Variants in PRELID2 observed in about 807,000 individuals in gnomAD.
PRELID2 encodes PRELI domain containing 2, also known as PRELI domain-containing protein 2.
Under a neutral mutation model 28.4 loss-of-function variants are expected in PRELID2, and 25 were observed. The ratio of observed to expected loss-of-function variants is 0.88; its 90% CI spans 0.64 to 1.23. The LOEUF is 1.23. Among genes scored for constraint, PRELID2 ranks in the 50% most tolerant of loss-of-function variants. The probability of loss-of-function intolerance (pLI) is 0.00; values close to 1 mark genes in which losing one functional copy is unlikely to be tolerated. For synonymous variants in PRELID2, 76 were observed against 71.6 expected, an observed-to-expected ratio of 1.06 and a Z score of -0.31; for missense variants, 201 against 214.4, an observed-to-expected ratio of 0.94 and a Z score of 0.39.
At chr5:145,728,951 A>G (rs1332530040) in intron 1 of PRELID2, 5 of 789,590 alleles carry the variant, frequency 6.3e-6, no homozygotes, top group African/African-American at 1.7e-5. Flanking sequence ...AAACCACAGC[A>G]ACTGCACAAA....
At chr5:145,397,782 G>A in the PRELID2 span, among the ~76,000 whole-genome samples, 3 of 152,268 alleles carry the variant, frequency 2.0e-5, 1 homozygote, top group South Asian at 6.2e-4. Context: ...AATTGTGCCT[G>A]CCATTGGTTA....
chr5:145,781,741 TACTATATCTATATATATAC>T (rs988987104), intron 5 of PRELID2, among the ~76,000 whole-genome samples: 1 of 146,098 alleles, frequency 6.8e-6, no homozygotes, highest in African/African-American at 2.5e-5. Flanking sequence ...ACTATATATA[TACTATATCTATATATATAC>T]ACTATATATA....
chr5:145,757,086 T>A lies in PRELID2; in HGVS notation c.*3450A>T, dbSNP rs1193539932. Among the ~76,000 whole-genome samples, 1 of 152,176 alleles carries A rather than the reference T, an allele frequency of 6.6e-6. No individual in the cohort carries two copies. Among genetic ancestry groups the A allele is most frequent in the Admixed American group, 6.5e-5 (1 of 15,274 alleles). On this transcript the variant is annotated 3_prime_UTR_variant, in exon 7 of 7. Transcript: ENST00000683046. ...TAAGAAATAGTTTGATGTAAATGAT[T>A]GAAATAAAGTAAAAAAGATGTGCAA...
intron 1 of PRELID2, among the ~76,000 whole-genome samples, chr5:145,518,902 G>A (rs921924705): frequency 6.6e-6 from 1 of 152,176 alleles, no homozygotes; most frequent in African/African-American, 2.4e-5. Context: ...TTCTGAGGTT[G>A]AGAAACTTGC....
intron 1 of PRELID2, among the ~76,000 whole-genome samples, chr5:145,621,333 A>T (rs572077921): frequency 6.6e-6 from 1 of 152,324 alleles, no homozygotes; most frequent in African/African-American, 2.4e-5. Context: ...TGCTGGTAGG[A>T]ATGTAAAATG....
chr5:145,464,481 C>A, the PRELID2 span, among the ~76,000 whole-genome samples: 2 of 152,086 alleles, frequency 1.3e-5, no homozygotes, highest in Admixed American at 1.3e-4. Flanking sequence ...AAGAAAAAGG[C>A]AAGAAGTCTG....
intron 1 of PRELID2, among the ~76,000 whole-genome samples, chr5:145,578,338 T>C (rs561591874): frequency 6.6e-6 from 1 of 152,142 alleles, no homozygotes; most frequent in Non-Finnish European, 1.5e-5. Flanking sequence ...GTGAAGCTTT[T>C]AAAATAACTT....
chr5:145,628,231 C>T (rs1355875649), intron 1 of PRELID2, among the ~76,000 whole-genome samples: 2 of 152,140 alleles, frequency 1.3e-5, no homozygotes, highest in African/African-American at 4.8e-5. Flanking sequence ...CCCCAACTCC[C>T]AAACCCATCT....
chr5:145,827,318 T>C (rs340044), intron 1 of PRELID2, among the ~76,000 whole-genome samples: 81,476 of 152,054 alleles, frequency 0.54, 24,652 homozygotes, highest in Non-Finnish European at 0.7. Context: ...GTTGATTTTA[T>C]ACCAAGACGA....
the PRELID2 span, among the ~76,000 whole-genome samples, chr5:145,458,942 A>G: frequency 6.6e-6 from 1 of 152,332 alleles, no homozygotes; most frequent in South Asian, 2.1e-4. Context: ...CAGAGCATCA[A>G]AAGAAGAGGG....
intron 1 of PRELID2, among the ~76,000 whole-genome samples, chr5:145,508,477 A>T (rs1752432201): frequency 6.6e-6 from 1 of 152,256 alleles, no homozygotes; most frequent in East Asian, 1.9e-4. Flanking sequence ...AACACCAAGT[A>T]GAAAGAAAAA....
At chr5:145,281,158 C>CT in the PRELID2 span, among the ~76,000 whole-genome samples, 1 of 151,996 alleles carries the variant, frequency 6.6e-6, no homozygotes, top group Non-Finnish European at 1.5e-5. Context: ...AAAAGCATAC[C>CT]TTTCTTCTTA....
chr5:145,763,793 C>T (rs1048454127), intron 6 of PRELID2, among the ~76,000 whole-genome samples: 1 of 152,162 alleles, frequency 6.6e-6, no homozygotes. Context: ...AAACCTAAGG[C>T]CTGACCAGGC....
At chr5:145,394,718 A>T in the PRELID2 span, among the ~76,000 whole-genome samples, 1 of 152,296 alleles carries the variant, frequency 6.6e-6, no homozygotes, top group Non-Finnish European at 1.5e-5. Context: ...AACTCTGTGG[A>T]TTAAGAACAA....
chr5:145,731,246 A>G (rs1202235920), intron 1 of PRELID2, among the ~76,000 whole-genome samples: 1 of 152,236 alleles, frequency 6.6e-6, no homozygotes, highest in African/African-American at 2.4e-5. Context: ...TTTTGAACAT[A>G]AGGATCCTTT....
At chr5:145,562,062 T>A (rs553904388) in intron 1 of PRELID2, among the ~76,000 whole-genome samples, 1 of 152,322 alleles carries the variant, frequency 6.6e-6, no homozygotes, top group Non-Finnish European at 1.5e-5. Flanking sequence ...AATGGCAAAT[T>A]TTATAGTTTG....
At chr5:145,617,579 T>A (rs914560771) in intron 1 of PRELID2, among the ~76,000 whole-genome samples, 35 of 152,200 alleles carry the variant, frequency 2.3e-4, no homozygotes, top group Non-Finnish European at 7.3e-5. Flanking sequence ...TTTGTCTTTG[T>A]TGGATTGAGT....
the PRELID2 span, among the ~76,000 whole-genome samples, chr5:145,420,993 T>G: frequency 2.1e-5 from 3 of 143,370 alleles, no homozygotes; most frequent in African/African-American, 7.9e-5. Flanking sequence ...GAGATAATCA[T>G]GTGGTTTTTG....
chr5:145,371,377 G>A, the PRELID2 span, among the ~76,000 whole-genome samples: 1,123 of 152,092 alleles, frequency 7.4e-3, 11 homozygotes, highest in African/African-American at 0.026. Flanking sequence ...ATAATCATGT[G>A]ATTTTGTCTT....
Sources: allele counts gnomAD v4.1 joint callset (sites outside exome capture counted in the v4.1 genomes callset), GRCh38; gene constraint gnomAD v4.1.1; transcripts MANE v1.5; gene names NCBI Gene and HGNC (gene_info 2026-07-23, HGNC 2026-07-21).